The following TTC4 variants were observed in gnomAD, a reference collection of about 807,000 sequenced individuals.
TTC4 encodes hsp70/Hsp90 co-chaperone CNS1 homolog.
Under a neutral mutation model 51.9 loss-of-function variants are expected in TTC4, and 36 were observed. The ratio of observed to expected loss-of-function variants is 0.69; its 90% CI spans 0.53 to 0.92. TTC4 has a LOEUF of 0.92. Among genes scored for constraint, TTC4 ranks in the 40% least tolerant of loss-of-function variants. The pLI, the probability that TTC4 is intolerant of heterozygous loss-of-function variation, is 0.00. For synonymous variants in TTC4, 144 were observed against 164.2 expected (o/e 0.88, Z 0.94); for missense variants, 399 against 454.6 (o/e 0.88, Z 1.11).
chr1:54,733,549 T>C, intron 7 of TTC4, 80 bp from the exon 8 acceptor site: 1 of 1,154,812 alleles, frequency 8.7e-7, no homozygotes, highest in Non-Finnish European at 1.2e-6. Context: ...CTAGATAACT[T>C]TGAATTAGTG....
intron 4 of TTC4, among the ~76,000 whole-genome samples, chr1:54,722,119 A>G (rs1645749910): frequency 6.9e-6 from 1 of 144,786 alleles, no homozygotes; most frequent in Non-Finnish European, 1.5e-5. Context: ...AATGTACATG[A>G]TAACATGAAA....
intron 3 of TTC4, among the ~76,000 whole-genome samples, chr1:54,718,756 C>T (rs1172302007): frequency 6.6e-6 from 1 of 151,982 alleles, no homozygotes; most frequent in Non-Finnish European, 1.5e-5. Context: ...GGTGACTAGT[C>T]TTGGTTATGT....
chr1:54,738,045 C>T (rs2101369206), intron 9 of TTC4, among the ~76,000 whole-genome samples: 1 of 152,198 alleles, frequency 6.6e-6, no homozygotes, highest in East Asian at 1.9e-4. Flanking sequence ...GGATTATAGG[C>T]ACCTGCCACC....
intron 3 of TTC4, among the ~76,000 whole-genome samples, chr1:54,720,888 TCTAA>T (rs1645736209): frequency 1.3e-5 from 2 of 152,206 alleles, no homozygotes; most frequent in South Asian, 2.1e-4. Flanking sequence ...ATATTATTTG[TCTAA>T]CTTTTAGCAA....
intron 9 of TTC4, 91 bp downstream of exon 9, chr1:54,737,755 G>T: frequency 2.3e-6 from 3 of 1,314,108 alleles, no homozygotes; most frequent in Non-Finnish European, 3.2e-6. Context: ...ACCTGAGACT[G>T]GTCAGTTTAT....
Position 54,738,780 on chromosome 1 carries a change from A to C in TTC4, c.1061+1116A>C, listed in dbSNP as rs184379237. On this transcript the variant is annotated intron_variant, in intron 9 of 9. Coordinates refer to ENST00000371281, the MANE Select transcript of TTC4 (RefSeq NM_004623.5). ...CAGGTTGAAGTGATTCTCCTGCCTC[A>C]GCTTCCTGAGTAGCTGGGATTACAG... 2.7e-3 allele frequency among the ~76,000 whole-genome samples: 401 copies of C among 151,176 alleles called. 3 individuals are homozygous for C. Among genetic ancestry groups the C allele is most frequent in the Middle Eastern group, 0.024 (7 of 294 alleles).
At chr1:54,725,558 A>G (rs1168640947) in intron 5 of TTC4, among the ~76,000 whole-genome samples, 2 of 152,204 alleles carry the variant, frequency 1.3e-5, no homozygotes, top group East Asian at 1.9e-4. Context: ...GGTGAATGCT[A>G]AAAATGTGCT....
At chr1:54,738,844 G>T (rs540984530) in intron 9 of TTC4, among the ~76,000 whole-genome samples, 1 of 151,734 alleles carries the variant, frequency 6.6e-6, no homozygotes, top group Non-Finnish European at 1.5e-5. Context: ...TGTATTTTTA[G>T]TAGAGACGGG....
chr1:54,728,460 G>A, intron 6 of TTC4, 28 bp downstream of exon 6: 1 of 1,596,410 alleles, frequency 6.3e-7, no homozygotes, highest in Non-Finnish European at 8.6e-7. Flanking sequence ...AGGTTTTTAT[G>A]GTCCTGCTAA....
intron 2 of TTC4, among the ~76,000 whole-genome samples, 169 bp from the exon 3 acceptor site, chr1:54,717,323 G>A (rs1474930035): frequency 6.6e-6 from 1 of 152,058 alleles, no homozygotes; most frequent in Admixed American, 6.6e-5. Context: ...ACATTTGTGC[G>A]ACTTTGTCCA....
rs773665701 is a variant in TTC4 at position 54,731,590 on chromosome 1, T to A, written c.786T>A (p.His262Gln). Residue 262 changes from histidine (H) to glutamine (Q), a missense_variant, in exon 7 of 10, where the codon CAT (histidine) becomes CAA (glutamine). Around this residue, in one of 3 missense-constraint regions of TTC4, gnomAD observed 316 missense variants for 349.6 expected, o/e 0.90. Coordinates refer to ENST00000371281, the MANE Select transcript of TTC4 (RefSeq NM_004623.5). The part of the protein sequence containing the change: ...FLDGLSTENP[H>Q]GARLSLDGQG... ...ATGGACTCAGCACTGAGAACCCCCATGGAGCCAGGCTGAGTCTAGATGGCC... is the reference window on the plus strand; with the variant it reads ...ATGGACTCAGCACTGAGAACCCCCAAGGAGCCAGGCTGAGTCTAGATGGCC... 32 of 1,613,994 alleles carry A rather than the reference T, an allele frequency of 2.0e-5. No homozygotes were observed. Among genetic ancestry groups the A allele is most frequent in the African/African-American group, 4.0e-5 (3 of 74,902 alleles).
At chr1:54,716,503 A>T in intron 1 of TTC4, 97 bp from the exon 2 acceptor site, 1 of 895,360 alleles carries the variant, frequency 1.1e-6, no homozygotes, top group Non-Finnish European at 1.7e-6. Context: ...ATGATTTGCA[A>T]ATCATGATGA....
At chr1:54,717,359 A>G (rs1570027854) in intron 2 of TTC4, 133 bp from the exon 3 acceptor site, 1 of 725,612 alleles carries the variant, frequency 1.4e-6, no homozygotes, top group Non-Finnish European at 2.0e-6. Flanking sequence ...TTATCATAAC[A>G]TCGAGTTTCC....
At chr1:54,720,346 C>A (rs1464126320) in intron 3 of TTC4, among the ~76,000 whole-genome samples, 1 of 151,882 alleles carries the variant, frequency 6.6e-6, no homozygotes, top group Non-Finnish European at 1.5e-5. Flanking sequence ...AAATACTAAA[C>A]CATTAAGTAA....
chr1:54,738,571 A>G (rs1413592434), intron 9 of TTC4, among the ~76,000 whole-genome samples: 1 of 152,102 alleles, frequency 6.6e-6, no homozygotes, highest in African/African-American at 2.4e-5. Flanking sequence ...CACCACAGCC[A>G]TAACACTCCA....
chr1:54,737,424 G>A (rs76246289), intron 8 of TTC4, 158 bp from the exon 9 acceptor site: 170 of 574,612 alleles, frequency 3.0e-4, no homozygotes, highest in African/African-American at 2.8e-3. Context: ...GTGGCATGGC[G>A]GGGGGGTACT....
At chr1:54,733,312 C>T (rs1054555943) in intron 7 of TTC4, among the ~76,000 whole-genome samples, 4 of 151,398 alleles carry the variant, frequency 2.6e-5, no homozygotes, top group Non-Finnish European at 2.9e-5. Context: ...CTCAGCTATG[C>T]AGGAGGCTAA....
At chr1:54,730,810 C>A (rs951295525) in intron 6 of TTC4, among the ~76,000 whole-genome samples, 1 of 132,170 alleles carries the variant, frequency 7.6e-6, no homozygotes, top group Non-Finnish European at 1.6e-5. Context: ...TTTTTTTTAT[C>A]TTTTCTGTCC....
At chr1:54,728,016 A>G (rs1925655) in intron 5 of TTC4, among the ~76,000 whole-genome samples, 18,025 of 152,088 alleles carry the variant, frequency 0.12, 1,767 homozygotes, top group African/African-American at 0.26. Context: ...CACCCAGGCT[A>G]TGTTTCGTAG....
Sources: gnomAD v4.1 joint callset for allele counts (sites outside exome capture counted in the v4.1 genomes callset) on GRCh38, gnomAD v4.1.1 for gene constraint, gnomAD v4.1.1 regional missense constraint, MANE v1.5 for transcripts, NCBI Gene and HGNC (gene_info 2026-07-23, HGNC 2026-07-21) for gene names.